Variants in PXN observed in about 807,000 individuals in gnomAD.
The protein encoded by PXN is testicular tissue protein Li 134.
A neutral mutation model predicts 103.6 loss-of-function variants in PXN; 61 were observed. That is an observed-to-expected ratio of 0.59 (90% confidence interval 0.48 to 0.73). PXN has a LOEUF of 0.73. Among genes scored for constraint, PXN ranks in the 30% least tolerant of loss-of-function variants. PXN has a pLI of 0.00. For missense variants in PXN, 1,274 were observed against 1,460.3 expected (o/e 0.87, Z 2.08); for synonymous variants, 562 against 607.8 (o/e 0.92, Z 1.11).
At position 120,223,748 on chromosome 12, in the gene PXN, G is replaced by A. The variant is rs371109288; in HGVS notation, c.326C>T (p.Ser109Phe). ...NPQDSVGSPCSRVGEEEHVYS... is the reference protein window; with the variant it reads ...NPQDSVGSPCFRVGEEEHVYS... ...GACGTGCTCCTCCTCACCCACTCGGGAGCACGGAGAGCCAACACTGTCCTG... is the reference window on the plus strand; with the variant it reads ...GACGTGCTCCTCCTCACCCACTCGGAAGCACGGAGAGCCAACACTGTCCTG... Residue 109 changes from serine to phenylalanine, a missense_variant, in exon 3 of 15, where the codon TCC (serine) becomes TTC (phenylalanine). By Grantham distance (155) the Ser-to-Phe change is radical. Transcript: ENST00000637617. The A allele has an allele frequency of 1.2e-6, 2 of 1,605,920 alleles. No individual in the cohort carries two copies. Among genetic ancestry groups the A allele is most frequent in the Non-Finnish European group, 1.7e-6 (2 of 1,176,386 alleles).
At chr12:120,263,103 C>T (rs957908142) in intron 1 of PXN, among the ~76,000 whole-genome samples, 1 of 152,088 alleles carries the variant, frequency 6.6e-6, no homozygotes, top group Non-Finnish European at 1.5e-5. Flanking sequence ...TGTTAGGGAC[C>T]AGGAGGCACA....
intron 1 of PXN, chr12:120,227,120 T>TGAAAA (rs1302953206): frequency 1.0e-6 from 1 of 986,734 alleles, no homozygotes; most frequent in Non-Finnish European, 1.2e-6. Flanking sequence ...AGGGCAACCT[T>TGAAAA]GAAAAGAAAA....
In PXN at chr12:120,257,205, T is replaced by C. The variant is rs184524562; in HGVS notation, c.13+8412A>G. On this transcript the variant is annotated intron_variant, in intron 1 of 14. Coordinates refer to ENST00000637617, the MANE Select transcript of PXN (RefSeq NM_001385981.1). ...TCAAAACAGCTGGAAATGTGTGCCC[T>C]GCTCTCCCCAACAAGAAAACAGAAC... Among the ~76,000 whole-genome samples, 304 of 152,286 alleles carry C rather than the reference T, an allele frequency of 2.0e-3. 1 individual carries two copies. The highest frequency in any genetic ancestry group is 6.6e-3 in the African/African-American group (274 of 41,576).
chr12:120,243,720 A>G (rs1219520877), intron 1 of PXN, among the ~76,000 whole-genome samples: 2 of 152,162 alleles, frequency 1.3e-5, no homozygotes, highest in African/African-American at 2.4e-5. Context: ...GAGTCAGTTT[A>G]GGATCCCATT....
At chr12:120,246,554 A>G (rs1891180007) in intron 1 of PXN, among the ~76,000 whole-genome samples, 1 of 149,930 alleles carries the variant, frequency 6.7e-6, no homozygotes. Context: ...AAGAAAAAGA[A>G]AAAAGAAAAA....
At chr12:120,226,357 G>A (rs1490109129) in intron 1 of PXN, 1 of 1,289,206 alleles carries the variant, frequency 7.8e-7, no homozygotes, top group South Asian at 1.2e-5. Context: ...CTTCACCTTT[G>A]TTACCTGCCA....
In PXN at chr12:120,212,178, C is replaced by A; in HGVS notation, c.*136G>T. 1 of 1,321,266 alleles carries A rather than the reference C, an allele frequency of 7.6e-7. No homozygotes were observed. The allele number at this position is 1,321,266 out of a possible 1,614,324, so 81.8% of individuals were successfully genotyped here. ...AGGGGGACCCCTCACGGCCCTCTGTCCATCCCGCACCAGCGGAGGACAAGG... is the reference window on the plus strand; with the variant it reads ...AGGGGGACCCCTCACGGCCCTCTGTACATCCCGCACCAGCGGAGGACAAGG... On this transcript the variant is annotated 3_prime_UTR_variant, in exon 15 of 15. Transcript: ENST00000637617. The surrounding 1 kb of genome is among the most constrained non-coding windows in gnomAD (Gnocchi z 7.2).
chr12:120,259,086 A>C (rs566064977), intron 1 of PXN, among the ~76,000 whole-genome samples: 2 of 150,630 alleles, frequency 1.3e-5, no homozygotes, highest in East Asian at 3.9e-4. Flanking sequence ...AACAAACAAA[A>C]AAAAACAAAT....
In PXN at chr12:120,217,534, CT is replaced by C. The variant is rs552703789; in HGVS notation, c.1717-419del. On this transcript the variant is annotated intron_variant, in intron 7 of 14. Transcript: ENST00000637617. This position sits in a 1 kb window ranked among gnomAD's most constrained non-coding sequence, Gnocchi z 4.1. Reference sequence around the variant, plus strand: ...CCCTTGACAAGGCATACGGCTTTTTCTTTTTTCTTTTTTTTAATTTATAATA... The same window carrying C: ...CCCTTGACAAGGCATACGGCTTTTTCTTTTTCTTTTTTTTAATTTATAATA... Among the ~76,000 whole-genome samples the C allele has an allele frequency of 4.3e-4, 66 of 152,012 alleles. No individual in the cohort carries two copies. Among genetic ancestry groups the C allele is most frequent in the African/African-American group, 1.5e-3 (63 of 41,376 alleles).
chr12:120,215,405 G>A lies in PXN; in HGVS notation c.2404-132C>T, dbSNP rs571867353. On this transcript the variant is annotated intron_variant, in intron 10 of 14. Transcript: ENST00000637617. The surrounding 1 kb of genome is among the most constrained non-coding windows in gnomAD (Gnocchi z 4.9). The stretch of plus-strand genomic sequence containing the variant: ...GAGACAAGAAGTACAACCTCCTCCA[G>A]GGGCCAGGAGCCCTAAAGTGGGAGT... The A allele has an allele frequency of 6.9e-7, 1 of 1,451,518 alleles. No homozygotes were observed. The highest frequency in any genetic ancestry group is 2.6e-5 in the Admixed American group (1 of 38,296). The allele number at this position is 1,451,518 out of a possible 1,614,324, so 89.9% of individuals were successfully genotyped here.
rs745452471 is a variant in PXN at position 120,212,446 on chromosome 12, G to A, written c.3114C>T (p.Thr1038=). 18 of 1,613,904 alleles carry A rather than the reference G, an allele frequency of 1.1e-5. No individual in the cohort carries two copies. The highest frequency in any genetic ancestry group is 5.0e-5 in the Admixed American group (3 of 60,004). Reference sequence around the variant, plus strand: ...CGGGGTGGAACTTCTTGGCCATGGCGGTGATGCAGCGGCCGGTGATGGGCT... The same window carrying A: ...CGGGGTGGAACTTCTTGGCCATGGCAGTGATGCAGCGGCCGGTGATGGGCT... ...CQKPITGRCI[T]AMAKKFHPEH... is the part of the protein sequence containing the mutation. Residue 1038 remains threonine, a synonymous_variant, in exon 15 of 15, where the codon ACC becomes ACT. Transcript: ENST00000637617. The surrounding 1 kb of genome is among the most constrained non-coding windows in gnomAD (Gnocchi z 7.2).
In PXN at chr12:120,212,152, CA is replaced by C. The variant is rs1333628365; in HGVS notation, c.*161del. On this transcript the variant is annotated 3_prime_UTR_variant, in exon 15 of 15. Coordinates refer to ENST00000637617, the MANE Select transcript of PXN (RefSeq NM_001385981.1). The surrounding 1 kb of genome is among the most constrained non-coding windows in gnomAD (Gnocchi z 7.2). ...AGGCTCTGGCAGGGGTGAAGACAAG[CA>C]GGGGGACCCCTCACGGCCCTCTGTC... The C allele has an allele frequency of 1.9e-5, 21 of 1,090,730 alleles. No individual in the cohort carries two copies. In the African/African-American group the frequency reaches 3.0e-4, roughly 15 times the overall value. The allele number at this position is 1,090,730 out of a possible 1,614,324, so 67.6% of individuals were successfully genotyped here. A position where few individuals can be genotyped will look rare whatever the true frequency, so the allele number is the denominator to read the frequency against.
At position 120,212,517 on chromosome 12, in the gene PXN, C is replaced by A; in HGVS notation, c.3043G>T (p.Val1015Leu). The change falls in exon 15 of 15, where the codon GTG (valine) becomes TTG (leucine). Residue 1015 changes from valine (V) to leucine (L), a missense_variant. By Grantham distance (32) the Val-to-Leu change is conservative. Around this residue, in one of 2 missense-constraint regions of PXN, gnomAD observed 96 missense variants for 151.3 expected, o/e 0.63. Coordinates refer to ENST00000637617, the MANE Select transcript of PXN (RefSeq NM_001385981.1). This position sits in a 1 kb window ranked among gnomAD's most constrained non-coding sequence, Gnocchi z 7.2. ...FEHDGQPYCEVHYHERRGSLC... is the reference protein window; with the variant it reads ...FEHDGQPYCELHYHERRGSLC... ...GAGCCGCGCCGCTCGTGGTAGTGCA[C>A]CTCACAGTAGGGCTGCCCGTCGTGC... 1.2e-6 allele frequency: 2 copies of A among 1,613,902 alleles called. No homozygotes were observed. The highest frequency in any genetic ancestry group is 1.7e-6 in the Non-Finnish European group (2 of 1,179,872).
chr12:120,219,524 C>T lies in PXN; in HGVS notation c.1399G>A (p.Val467Met). 2 of 1,592,550 alleles carry T rather than the reference C, an allele frequency of 1.3e-6. No homozygotes were observed. Reference sequence around the variant, plus strand: ...AAGATGGCCTGCCGGTCCACTGCCACTACAGCTGGCTCTGTTACTTCTTGG... The same window carrying T: ...AAGATGGCCTGCCGGTCCACTGCCATTACAGCTGGCTCTGTTACTTCTTGG... ...SFQEVTEPAV[V>M]AVDRQAIFPD... The change falls in exon 7 of 15, where the codon GTG becomes ATG. Residue 467 changes from valine (V) to methionine (M), a missense_variant. This residue lies in a region of PXN where 1,178 missense variants were observed against 1,309.0 expected (regional missense o/e 0.90). Transcript: ENST00000637617. The surrounding 1 kb of genome is among the most constrained non-coding windows in gnomAD (Gnocchi z 6.5).
chr12:120,211,858 C>T lies in PXN; in HGVS notation c.*456G>A, dbSNP rs779085013. On this transcript the variant is annotated 3_prime_UTR_variant, in exon 15 of 15. Coordinates refer to ENST00000637617, the MANE Select transcript of PXN (RefSeq NM_001385981.1). ...TATGCTGGCATTGTCTGGAGGGAGC[C>T]GGGTGTCCCCCAATAATCACAGAAC... The T allele has an allele frequency of 7.7e-5, 38 of 496,184 alleles. No individual in the cohort carries two copies. Among genetic ancestry groups the T allele is most frequent in the Non-Finnish European group, 1.2e-4 (30 of 248,670 alleles). 30.7% of individuals were successfully genotyped at this position (496,184 alleles called of 1,614,324 possible).
chr12:120,226,048 C>T, intron 1 of PXN: 1 of 1,083,626 alleles, frequency 9.2e-7, no homozygotes, highest in Non-Finnish European at 1.1e-6. Flanking sequence ...GCCTGGCTTC[C>T]TGTCTCTAGC....
chr12:120,242,327 C>G (rs948790100), intron 1 of PXN, among the ~76,000 whole-genome samples: 1 of 152,112 alleles, frequency 6.6e-6, no homozygotes, highest in Admixed American at 6.5e-5. Context: ...TTCCTCTGCC[C>G]GCACCCATCT....
rs1196879163 is a variant in PXN, at chr12:120,229,440, T to G, written c.14-5063A>C. ...GTGGGAGGACCCAGAGCGATTCCATTCTCTCCTCCCAGGCTCTGAGGACTT... is the reference window on the plus strand; with the variant it reads ...GTGGGAGGACCCAGAGCGATTCCATGCTCTCCTCCCAGGCTCTGAGGACTT... On this transcript the variant is annotated intron_variant, in intron 1 of 14. Transcript: ENST00000637617. The surrounding 1 kb of genome is among the most constrained non-coding windows in gnomAD (Gnocchi z 4.0). 6.6e-6 allele frequency among the ~76,000 whole-genome samples: 1 copy of G among 152,042 alleles called. No individual in the cohort carries two copies. Among genetic ancestry groups the G allele is most frequent in the African/African-American group, 2.4e-5 (1 of 41,376 alleles).
Position 120,219,615 on chromosome 12 carries a change from C to T in PXN, c.1308G>A (p.Glu436=), listed in dbSNP as rs1380822093. The change falls in exon 7 of 15, where the codon GAG becomes GAA. Residue 436 remains glutamate (E), a synonymous_variant. Transcript: ENST00000637617. This position sits in a 1 kb window ranked among gnomAD's most constrained non-coding sequence, Gnocchi z 6.5. The part of the protein sequence containing the change: ...CPEEALAATW[E]QPWASEVFGP... ...CGAATACCTCCGAAGCCCATGGCTG[C>T]TCCCATGTGGCAGCCAAGGCCTCCT... 6.4e-7 allele frequency: 1 copy of T among 1,567,418 alleles called. No homozygotes were observed. Among genetic ancestry groups the T allele is most frequent in the East Asian group, 2.3e-5 (1 of 43,206 alleles).
Sources: allele counts gnomAD v4.1 joint callset (sites outside exome capture counted in the v4.1 genomes callset), GRCh38; gene constraint gnomAD v4.1.1; regional missense constraint gnomAD v4.1.1; non-coding constraint Gnocchi (gnomAD v3.1); transcripts MANE v1.5; gene names NCBI Gene and HGNC (gene_info 2026-07-23, HGNC 2026-07-21).